The following TRMT11 variants were observed in gnomAD, a reference collection of about 807,000 sequenced individuals.
The protein encoded by TRMT11 is tRNA methyltransferase 11.
A neutral mutation model predicts 62.8 loss-of-function variants in TRMT11; 53 were observed. That is an observed-to-expected ratio of 0.84 (90% CI 0.68 to 1.06). The LOEUF (loss-of-function observed/expected upper bound fraction) is 1.06, where lower values mean the gene tolerates loss of function less well. Ranked by LOEUF, TRMT11 falls within the 50% of genes least tolerant of loss-of-function variation. The probability of loss-of-function intolerance (pLI) is 0.00; values close to 1 mark genes in which losing one functional copy is unlikely to be tolerated. For synonymous variants in TRMT11, 188 were observed against 190.3 expected, an observed-to-expected ratio of 0.99 and a Z score of 0.10; for missense variants, 556 against 553.4, an observed-to-expected ratio of 1.00 and a Z score of -0.05.
the TRMT11 span, among the ~76,000 whole-genome samples, chr6:126,229,212 C>T: frequency 1.3e-5 from 2 of 152,078 alleles, no homozygotes; most frequent in African/African-American, 4.8e-5. Flanking sequence ...TTGTCTAGAT[C>T]TTTAAATAGG....
At chr6:126,096,712 T>G (rs1777345618) in intron 17 of TRMT11, among the ~76,000 whole-genome samples, 1 of 152,198 alleles carries the variant, frequency 6.6e-6, no homozygotes, top group African/African-American at 2.4e-5. Flanking sequence ...ATCCTGTACC[T>G]GTAGTAGAAA....
At chr6:126,042,108 A>G (rs1376776251), downstream of TRMT11, among the ~76,000 whole-genome samples, 1 of 152,224 alleles carries the variant, frequency 6.6e-6, no homozygotes, top group African/African-American at 2.4e-5. Context: ...TCTTCTCTAA[A>G]ACAGAGTGGT....
the TRMT11 span, among the ~76,000 whole-genome samples, chr6:126,260,643 T>C: frequency 6.6e-6 from 1 of 152,176 alleles, no homozygotes; most frequent in African/African-American, 2.4e-5. Context: ...TCAGGCTTTG[T>C]TTTTCTGTAA....
the TRMT11 span, among the ~76,000 whole-genome samples, chr6:126,230,549 T>C: frequency 6.6e-6 from 1 of 152,214 alleles, no homozygotes; most frequent in African/African-American, 2.4e-5. Flanking sequence ...ATGTTCTCTA[T>C]GCATCTTATT....
intron 11 of TRMT11, among the ~76,000 whole-genome samples, chr6:126,015,205 C>T (rs764501829): frequency 5.9e-5 from 9 of 152,162 alleles, no homozygotes; most frequent in Non-Finnish European, 1.0e-4. Context: ...TACCTCCCCC[C>T]GACTCCTGCA....
intron 17 of TRMT11, among the ~76,000 whole-genome samples, chr6:126,055,666 T>TAAAGGAATTG (rs1776351846): frequency 6.6e-6 from 1 of 152,202 alleles, no homozygotes; most frequent in African/African-American, 2.4e-5. Flanking sequence ...CATCTGATCA[T>TAAAGGAATTG]AAAGGAATTG....
chr6:126,078,061 T>C (rs1291898173), intron 17 of TRMT11, among the ~76,000 whole-genome samples: 1 of 152,174 alleles, frequency 6.6e-6, no homozygotes, highest in East Asian at 1.9e-4. Flanking sequence ...GTATTCTACT[T>C]ACTGTGGCTT....
At chr6:126,093,629 A>ATTTTT (rs1199202335) in intron 17 of TRMT11, among the ~76,000 whole-genome samples, 2 of 94,038 alleles carry the variant, frequency 2.1e-5, no homozygotes, top group African/African-American at 9.2e-5. Context: ...ATATATATAT[A>ATTTTT]TATTTTCCCC....
At chr6:125,989,743 T>C (rs1284309160) in intron 1 of TRMT11, among the ~76,000 whole-genome samples, 1 of 152,240 alleles carries the variant, frequency 6.6e-6, no homozygotes, top group Non-Finnish European at 1.5e-5. Flanking sequence ...TGTTCTGTTT[T>C]ACACCCTCAT....
exon 1 of TRMT11, chr6:126,177,239 A>C (rs1778396981): frequency 6.6e-6 from 1 of 152,162 alleles, no homozygotes; most frequent in African/African-American, 2.4e-5. Flanking sequence ...TCTTGGACTG[A>C]ATTGTAGTGC....
the TRMT11 span, among the ~76,000 whole-genome samples, chr6:126,213,281 G>A: frequency 4.0e-5 from 6 of 151,844 alleles, no homozygotes; most frequent in Non-Finnish European, 7.4e-5. Context: ...ATAAATTTTA[G>A]GGCTTTTCTT....
intron 2 of TRMT11, 42 bp from the exon 3 acceptor site, chr6:125,995,925 G>C: frequency 3.2e-6 from 4 of 1,233,998 alleles, no homozygotes; most frequent in Non-Finnish European, 4.8e-6. Flanking sequence ...ATGAGGCCAT[G>C]TAGCCACTTA....
At chr6:126,216,065 A>G in the TRMT11 span, among the ~76,000 whole-genome samples, 20 of 152,076 alleles carry the variant, frequency 1.3e-4, no homozygotes, top group African/African-American at 4.8e-4. Flanking sequence ...TGTACTTACC[A>G]TAATATTAAC....
At chr6:126,117,850 G>A (rs983160510) in intron 21 of TRMT11, among the ~76,000 whole-genome samples, 1 of 152,060 alleles carries the variant, frequency 6.6e-6, no homozygotes, top group African/African-American at 2.4e-5. Flanking sequence ...TATTAACTGC[G>A]TGACCATAGA....
intron 17 of TRMT11, among the ~76,000 whole-genome samples, chr6:126,077,368 G>C (rs1036177570): frequency 6.6e-6 from 1 of 152,142 alleles, no homozygotes; most frequent in Non-Finnish European, 1.5e-5. Flanking sequence ...CATCACTACA[G>C]CATCCAACCT....
At chr6:126,000,085 G>T (rs1226635076) in intron 7 of TRMT11, among the ~76,000 whole-genome samples, 2 of 152,142 alleles carry the variant, frequency 1.3e-5, no homozygotes, top group African/African-American at 4.8e-5. Context: ...GTTTATGGAG[G>T]TTTATAAGTA....
chr6:126,210,887 C>G, the TRMT11 span, among the ~76,000 whole-genome samples: 1 of 152,150 alleles, frequency 6.6e-6, no homozygotes, highest in South Asian at 2.1e-4. Flanking sequence ...TATTTGTGGC[C>G]GGTGCTTCAG....
intron 1 of TRMT11, among the ~76,000 whole-genome samples, chr6:125,991,584 G>T (rs1020618639): frequency 6.6e-6 from 1 of 152,064 alleles, no homozygotes; most frequent in Non-Finnish European, 1.5e-5. Context: ...TGGGATTGCA[G>T]GTGGAGCCGC....
At chr6:126,189,262 G>T (rs946595602) in intron 1 of TRMT11, among the ~76,000 whole-genome samples, 3 of 152,152 alleles carry the variant, frequency 2.0e-5, no homozygotes, top group African/African-American at 7.2e-5. Context: ...TTAATGGGCA[G>T]TGGTGAGGTT....
Sources: gnomAD v4.1 joint callset for allele counts (sites outside exome capture counted in the v4.1 genomes callset) on GRCh38, gnomAD v4.1.1 for gene constraint, MANE v1.5 for transcripts, NCBI Gene and HGNC (gene_info 2026-07-23, HGNC 2026-07-21) for gene names.